WHAMM: variants seen among roughly 807,000 people sequenced by gnomAD.
WHAMM encodes the protein WASP homolog-associated protein with actin, membranes and microtubules.
A neutral mutation model predicts 76.5 loss-of-function variants in WHAMM; 67 were observed. The ratio of observed to expected loss-of-function variants is 0.88; its 90% CI spans 0.72 to 1.07. The LOEUF is 1.07. Among genes scored for constraint, WHAMM ranks in the 50% least tolerant of loss-of-function variants. The pLI is 0.00. For synonymous variants in WHAMM, 419 were observed against 422.1 expected, an observed-to-expected ratio of 0.99 and a Z score of 0.09; for missense variants, 1,021 against 1,051.1, an observed-to-expected ratio of 0.97 and a Z score of 0.40.
chr15:82,832,454 TAA>T (rs958802826), intron 9 of WHAMM, among the ~76,000 whole-genome samples: 23 of 152,312 alleles, frequency 1.5e-4, no homozygotes, highest in Non-Finnish European at 3.4e-4. Flanking sequence ...CAGCAGGCGA[TAA>T]AAGATTTTTA....
In WHAMM at chr15:82,810,238, C is replaced by A; in HGVS notation, c.512C>A (p.Pro171Gln). Residue 171 changes from proline to glutamine, a missense_variant, in exon 1 of 10, where the codon CCG becomes CAG. Around this residue, in one of 3 missense-constraint regions of WHAMM, gnomAD observed 501 missense variants for 524.9 expected, o/e 0.95. Transcript: ENST00000286760. ...GCCACAGTGCGCGACGCACTCTTCCCGGCTGAGGGCGGCGCGGCCGACTGC... is the reference window on the plus strand; with the variant it reads ...GCCACAGTGCGCGACGCACTCTTCCAGGCTGAGGGCGGCGCGGCCGACTGC... ...GGATVRDALF[P>Q]AEGGAADCES... The A allele has an allele frequency of 7.1e-7, 1 of 1,401,260 alleles. No homozygotes were observed. The highest frequency in any genetic ancestry group is 1.5e-5 in the South Asian group (1 of 68,406). 86.8% of individuals were successfully genotyped at this position (1,401,260 alleles called of 1,614,324 possible). A position where few individuals can be genotyped will look rare whatever the true frequency, so the allele number is the denominator to read the frequency against.
intron 6 of WHAMM, among the ~76,000 whole-genome samples, chr15:82,823,511 TATTC>T (rs2050873817): frequency 6.6e-6 from 1 of 152,220 alleles, no homozygotes; most frequent in African/African-American, 2.4e-5. Flanking sequence ...GGTTTTAATT[TATTC>T]ATTCAACAAC....
At position 82,810,336 on chromosome 15, in the gene WHAMM, G is replaced by C. The variant is rs2050606374; in HGVS notation, c.609+1G>C. On this transcript the variant is annotated splice_donor_variant, in intron 1 of 9. Coordinates refer to ENST00000286760, the MANE Select transcript of WHAMM (RefSeq NM_001080435.3). LOFTEE classifies it high-confidence loss of function. ...CGAGGCGGACGCGCGGCTGCGCCAGGTAAGCGAGGCCCGGTCGCCGGCGTT... is the reference window on the plus strand; with the variant it reads ...CGAGGCGGACGCGCGGCTGCGCCAGCTAAGCGAGGCCCGGTCGCCGGCGTT... 3 of 1,310,510 alleles carry C rather than the reference G, an allele frequency of 2.3e-6. No homozygotes were observed. Among genetic ancestry groups the C allele is most frequent in the Non-Finnish European group, 2.9e-6 (3 of 1,035,354 alleles). The allele number at this position is 1,310,510 out of a possible 1,614,324, so 81.2% of individuals were successfully genotyped here. A position where few individuals can be genotyped will look rare whatever the true frequency, so the allele number is the denominator to read the frequency against.
In WHAMM at chr15:82,833,798, G is replaced by C. The variant is rs2051081708; in HGVS notation, c.*262G>C. On this transcript the variant is annotated 3_prime_UTR_variant, in exon 10 of 10. Transcript: ENST00000286760. ...TCCGCTTCCCAGGCTGGGGTGCAGT[G>C]GTGCGATCTTGGCTCACTGCAAGCT... 2.3e-6 allele frequency: 1 copy of C among 437,964 alleles called. No individual in the cohort carries two copies. Among genetic ancestry groups the C allele is most frequent in the East Asian group, 4.2e-5 (1 of 24,000 alleles). The allele number at this position is 437,964 out of a possible 1,614,324, so 27.1% of individuals were successfully genotyped here.
rs548795279 is a variant in WHAMM, at chr15:82,815,691, AG to A, written c.784-998del. Among the ~76,000 whole-genome samples, 114 of 152,296 alleles carry A rather than the reference AG, an allele frequency of 7.5e-4. 1 individual carries two copies. Among genetic ancestry groups the A allele is most frequent in the Non-Finnish European group, 1.2e-3 (82 of 68,032 alleles). On this transcript the variant is annotated intron_variant, in intron 2 of 9. Transcript: ENST00000286760. The stretch of plus-strand genomic sequence containing the variant: ...TTTATATTCCCAAAAGCAGTAAATG[AG>A]GGTTCCGGTTTGTCCACATTATCAC...
Position 82,818,097 on chromosome 15 carries a change from A to G in WHAMM, c.1104+8A>G. On this transcript the variant is annotated splice_region_variant and intron_variant, in intron 4 of 9. Coordinates refer to ENST00000286760, the MANE Select transcript of WHAMM (RefSeq NM_001080435.3). ...GCTGAAATTCAGGGAAAGGTAAGAC[A>G]AAGATAAACATAACTTTGTTTTAAA... The G allele has an allele frequency of 6.5e-7, 1 of 1,536,538 alleles. No homozygotes were observed. Among genetic ancestry groups the G allele is most frequent in the Non-Finnish European group, 8.8e-7 (1 of 1,139,824 alleles).
intron 8 of WHAMM, 49 bp from the exon 9 acceptor site, chr15:82,830,550 G>A (rs1160003970): frequency 3.2e-6 from 5 of 1,575,286 alleles, no homozygotes; most frequent in Admixed American, 1.8e-5. Context: ...TCAGCATTTT[G>A]ATGGTTTGCA....
intron 2 of WHAMM, among the ~76,000 whole-genome samples, chr15:82,813,948 C>T (rs1469950674): frequency 6.6e-6 from 1 of 152,182 alleles, no homozygotes; most frequent in Non-Finnish European, 1.5e-5. Context: ...GCATGAGCCA[C>T]TGCACCCAGC....
At chr15:82,821,824 C>A (rs1264663502) in intron 5 of WHAMM, among the ~76,000 whole-genome samples, 1 of 152,150 alleles carries the variant, frequency 6.6e-6, no homozygotes, top group Non-Finnish European at 1.5e-5. Flanking sequence ...TTTGAATCTT[C>A]CTACCCAAGA....
intron 5 of WHAMM, among the ~76,000 whole-genome samples, chr15:82,821,033 T>C (rs1349607618): frequency 2.0e-5 from 3 of 152,218 alleles, no homozygotes; most frequent in Non-Finnish European, 4.4e-5. Context: ...CCAATTTTCA[T>C]TTATTTAATT....
intron 8 of WHAMM, among the ~76,000 whole-genome samples, chr15:82,830,244 A>G (rs1286162691): frequency 1.3e-5 from 2 of 150,588 alleles, no homozygotes; most frequent in Admixed American, 1.3e-4. Context: ...CGGCTACTTA[A>G]TATTTTGAAT....
intron 4 of WHAMM, among the ~76,000 whole-genome samples, chr15:82,818,534 G>A (rs2050766731): frequency 6.6e-6 from 1 of 152,168 alleles, no homozygotes; most frequent in African/African-American, 2.4e-5. Flanking sequence ...TCACTTTATA[G>A]TAATACCAAG....
At chr15:82,827,735 ATGAGTT>A (rs1459396814) in intron 8 of WHAMM, among the ~76,000 whole-genome samples, 1 of 152,202 alleles carries the variant, frequency 6.6e-6, no homozygotes, top group East Asian at 1.9e-4. Flanking sequence ...CCTTGAGGTC[ATGAGTT>A]TGAGACCAGG....
intron 5 of WHAMM, among the ~76,000 whole-genome samples, chr15:82,822,524 G>A (rs2050845457): frequency 6.6e-6 from 1 of 152,152 alleles, no homozygotes; most frequent in Non-Finnish European, 1.5e-5. Context: ...TGCAACCTCT[G>A]CCTCCCAGGT....
intron 1 of WHAMM, among the ~76,000 whole-genome samples, chr15:82,811,410 C>A (rs2050626373): frequency 6.6e-6 from 1 of 152,172 alleles, no homozygotes; most frequent in African/African-American, 2.4e-5. Flanking sequence ...CTCGGTTTCT[C>A]ACAGAGATAG....
chr15:82,824,655 G>A (rs536016825), intron 6 of WHAMM, among the ~76,000 whole-genome samples: 6 of 152,180 alleles, frequency 3.9e-5, no homozygotes, highest in East Asian at 3.9e-4. Flanking sequence ...TAGTAGAGAC[G>A]GGGTTTCACC....
At chr15:82,812,166 G>A (rs1238610460) in intron 1 of WHAMM, among the ~76,000 whole-genome samples, 1 of 152,174 alleles carries the variant, frequency 6.6e-6, no homozygotes, top group Non-Finnish European at 1.5e-5. Flanking sequence ...TTAATCTGGG[G>A]CATTAAGAGA....
At chr15:82,816,937 G>C in intron 3 of WHAMM, 95 bp downstream of exon 3, 4 of 1,234,830 alleles carry the variant, frequency 3.2e-6, no homozygotes, top group Non-Finnish European at 4.5e-6. Flanking sequence ...TAGGTACTAT[G>C]TTTTCTAGGT....
chr15:82,814,306 C>T (rs945785204), intron 2 of WHAMM, among the ~76,000 whole-genome samples: 2 of 152,218 alleles, frequency 1.3e-5, no homozygotes, highest in Non-Finnish European at 2.9e-5. Context: ...CATATAATCT[C>T]ATGACCCTTG....
Sources: gnomAD v4.1 joint callset for allele counts (sites outside exome capture counted in the v4.1 genomes callset) on GRCh38, gnomAD v4.1.1 for gene constraint, gnomAD v4.1.1 regional missense constraint, MANE v1.5 for transcripts, NCBI Gene and HGNC (gene_info 2026-07-23, HGNC 2026-07-21) for gene names.